ZSWIM8: variants seen among roughly 807,000 people sequenced by gnomAD.
ZSWIM8 encodes zinc finger SWIM domain-containing protein 8.
ZSWIM8 carries 27 observed loss-of-function variants against 173.7 expected under a neutral mutation model. The ratio of observed to expected loss-of-function variants is 0.16; its 90% CI spans 0.11 to 0.21. ZSWIM8 has a LOEUF of 0.21. Ranked by LOEUF, ZSWIM8 falls within the 10% of genes least tolerant of loss-of-function variation. ZSWIM8 has a pLI of 1.00. For synonymous variants in ZSWIM8, 958 were observed against 962.0 expected (o/e 1.00, Z 0.08); for missense variants, 1,627 against 2,428.8 (o/e 0.67, Z 6.94).
In ZSWIM8 at chr10:73,796,945, G is replaced by C. The variant is rs760829916; in HGVS notation, c.3205G>C (p.Ala1069Pro). The change falls in exon 16 of 26, where the codon GCT (alanine) becomes CCT (proline). Residue 1069 changes from alanine to proline, a missense_variant. Physicochemically the swap from Ala to Pro is conservative, Grantham distance 27. Around this residue, in one of 18 missense-constraint regions of ZSWIM8, gnomAD observed 163 missense variants for 193.2 expected, o/e 0.84. Coordinates refer to ENST00000604729, the MANE Select transcript of ZSWIM8 (RefSeq NM_001367799.1). ...ACTGACCTCAGGCTCTGCAGGGCCT[G>C]CTCAACCAGGGAGTGTGGCAGGGGC... Reference protein sequence around the residue: ...QPLTSGSAGPAQPGSVAGAGP... With the variant: ...QPLTSGSAGPPQPGSVAGAGP... The C allele has an allele frequency of 2.5e-6, 4 of 1,614,014 alleles. No homozygotes were observed. The South Asian group carries it at 4.4e-5, about 18-fold the overall frequency.
chr10:73,799,518 A>C lies in ZSWIM8; in HGVS notation c.4665+28A>C, dbSNP rs1374107648. The stretch of plus-strand genomic sequence containing the variant: ...GAGACCAGTGTTCTGCTGGGGGGTA[A>C]GGCATGGGAAAATACTGGGAATTCA... On this transcript the variant is annotated intron_variant, in intron 21 of 25. Coordinates refer to ENST00000604729, the MANE Select transcript of ZSWIM8 (RefSeq NM_001367799.1). 4 of 1,586,270 alleles carry C rather than the reference A, an allele frequency of 2.5e-6. No individual in the cohort carries two copies. In the East Asian group the frequency reaches 9.1e-5, roughly 36 times the overall value.
At chr10:73,790,871 A>T in intron 7 of ZSWIM8, 104 bp from the exon 8 acceptor site, 2 of 1,136,070 alleles carry the variant, frequency 1.8e-6, no homozygotes, top group Non-Finnish European at 1.2e-6. Context: ...TTTGTTACAG[A>T]TGTCTTTTTC....
At position 73,792,614 on chromosome 10, in the gene ZSWIM8, T is replaced by C. The variant is rs1306633940; in HGVS notation, c.2075T>C (p.Leu692Pro). ...GCCTCTGTTGGCCCCCCTGGCCTACTGCCTGGGGATGTCTGTACCCAGGAC... is the reference window on the plus strand; with the variant it reads ...GCCTCTGTTGGCCCCCCTGGCCTACCGCCTGGGGATGTCTGTACCCAGGAC... ...PTASVGPPGL[L>P]PGDVCTQDDL... Residue 692 changes from leucine (L) to proline (P), a missense_variant, in exon 10 of 26, where the codon CTG becomes CCG. Transcript: ENST00000604729. The surrounding 1 kb of genome is among the most constrained non-coding windows in gnomAD (Gnocchi z 4.3). 1 of 1,614,008 alleles carries C rather than the reference T, an allele frequency of 6.2e-7. No individual in the cohort carries two copies. The highest frequency in any genetic ancestry group is 1.7e-5 in the Admixed American group (1 of 60,026).
At position 73,800,786 on chromosome 10, in the gene ZSWIM8, T is replaced by TGGC; in HGVS notation, c.5122+28_5122+29insGCG. ...TAACACCTCCCCTCCCTAGGACCAT[T>TGGC]GCCCCCCCCCCACCTGCTCTCCCCA... On this transcript the variant is annotated intron_variant, in intron 24 of 25. Coordinates refer to ENST00000604729, the MANE Select transcript of ZSWIM8 (RefSeq NM_001367799.1). This position sits in a 1 kb window ranked among gnomAD's most constrained non-coding sequence, Gnocchi z 4.1. 6.6e-7 allele frequency: 1 copy of TGGC among 1,515,670 alleles called. No individual in the cohort carries two copies. Among genetic ancestry groups the TGGC allele is most frequent in the Non-Finnish European group, 9.0e-7 (1 of 1,111,836 alleles). 93.9% of individuals were successfully genotyped at this position (1,515,670 alleles called of 1,614,324 possible).
Position 73,795,962 on chromosome 10 carries a change from C to CAA in ZSWIM8, c.3033+320_3033+321dup, listed in dbSNP as rs34801762. On this transcript the variant is annotated intron_variant, in intron 15 of 25. Coordinates refer to ENST00000604729, the MANE Select transcript of ZSWIM8 (RefSeq NM_001367799.1). ...TGGGTGACAGAGCAAGACCCTGTTT[C>CAA]AAAAAAAAAAAAAAAAAAAAAAGGC... is the stretch of plus-strand genomic sequence containing the variant. Among the ~76,000 whole-genome samples, 34 of 58,778 alleles carry CAA rather than the reference C, an allele frequency of 5.8e-4. 1 individual carries two copies. Among genetic ancestry groups the CAA allele is most frequent in the East Asian group, 9.6e-4 (2 of 2,094 alleles). The allele number at this position is 58,778 out of a possible 152,430, so 38.6% of individuals were successfully genotyped here. A position where few individuals can be genotyped will look rare whatever the true frequency, so the allele number is the denominator to read the frequency against.
At position 73,797,447 on chromosome 10, in the gene ZSWIM8, A is replaced by C; in HGVS notation, c.3504A>C (p.Pro1168=). The change falls in exon 18 of 26, where the codon CCA becomes CCC. Residue 1168 remains proline, a synonymous_variant. Coordinates refer to ENST00000604729, the MANE Select transcript of ZSWIM8 (RefSeq NM_001367799.1). This position sits in a 1 kb window ranked among gnomAD's most constrained non-coding sequence, Gnocchi z 5.6. ...GTTCCCCCACCTTAAGCCGGAGACC[A>C]CTTCGAGGGGGCTGGGCCCCCACCT... is the stretch of plus-strand genomic sequence containing the variant. ...SDSSPTLSRR[P]LRGGWAPTSW... 6.2e-7 allele frequency: 1 copy of C among 1,613,830 alleles called. No homozygotes were observed.
Position 73,801,782 on chromosome 10 carries a change from T to G in ZSWIM8, c.*263T>G, listed in dbSNP as rs1490582940. On this transcript the variant is annotated 3_prime_UTR_variant, in exon 26 of 26. Transcript: ENST00000604729. The surrounding 1 kb of genome is among the most constrained non-coding windows in gnomAD (Gnocchi z 4.9). ...TGGCATTTATAAATATATAAACTCC[T>G]TTTTTACTCTAGTCGACCTGGGCCT... 2 of 1,431,784 alleles carry G rather than the reference T, an allele frequency of 1.4e-6. No individual in the cohort carries two copies. Among genetic ancestry groups the G allele is most frequent in the East Asian group, 3.0e-5 (1 of 33,682 alleles). 88.7% of individuals were successfully genotyped at this position (1,431,784 alleles called of 1,614,324 possible). A position where few individuals can be genotyped will look rare whatever the true frequency, so the allele number is the denominator to read the frequency against.
chr10:73,792,919 T>C lies in ZSWIM8; in HGVS notation c.2313+67T>C. 4 of 1,485,052 alleles carry C rather than the reference T, an allele frequency of 2.7e-6. No homozygotes were observed. The highest frequency in any genetic ancestry group is 2.7e-6 in the Non-Finnish European group (3 of 1,119,990). The allele number at this position is 1,485,052 out of a possible 1,614,324, so 92.0% of individuals were successfully genotyped here. On this transcript the variant is annotated intron_variant, in intron 10 of 25. Transcript: ENST00000604729. This position sits in a 1 kb window ranked among gnomAD's most constrained non-coding sequence, Gnocchi z 4.3. ...ACAACTGGGAGGGGCTATCTAGCTC[T>C]AGTTGGGAGTGTCAGGACCATCAGC...
chr10:73,788,654 A>G lies in ZSWIM8; in HGVS notation c.209-16A>G, dbSNP rs907287455. On this transcript the variant is annotated splice_polypyrimidine_tract_variant and intron_variant, in intron 1 of 25. Transcript: ENST00000604729. ...TCCTATTCTCTTTCCCCTGATCCCA[A>G]CCATTGTTTGCAAAGATGGACTGGT... 11 of 1,613,606 alleles carry G rather than the reference A, an allele frequency of 6.8e-6. No homozygotes were observed. The highest frequency in any genetic ancestry group is 9.3e-6 in the Non-Finnish European group (11 of 1,179,662).
Position 73,795,540 on chromosome 10 carries a change from C to T in ZSWIM8, c.2910C>T (p.Gly970=), listed in dbSNP as rs751788815. The change falls in exon 15 of 26, where the codon GGC becomes GGT. Residue 970 remains glycine, a splice_region_variant and synonymous_variant. Transcript: ENST00000604729. ...CCCATAAGGTCCTCTTTCTCGCAGGCATGAAGACAACAGTGAGCGAGGCAG... is the reference window on the plus strand; with the variant it reads ...CCCATAAGGTCCTCTTTCTCGCAGGTATGAAGACAACAGTGAGCGAGGCAG... ...LGFEAAVAAL[G]MKTTVSEAEH... 34 of 1,613,784 alleles carry T rather than the reference C, an allele frequency of 2.1e-5. No individual in the cohort carries two copies. The highest frequency in any genetic ancestry group is 2.8e-5 in the Non-Finnish European group (33 of 1,179,852).
intron 7 of ZSWIM8, 68 bp downstream of exon 7, chr10:73,790,360 C>T: frequency 1.3e-6 from 2 of 1,531,714 alleles, no homozygotes; most frequent in Non-Finnish European, 1.8e-6. Flanking sequence ...GATGACAGAT[C>T]CTTTCTTCTA....
chr10:73,800,797 C>CG lies in ZSWIM8; in HGVS notation c.5122+38_5122+39insG. ...CTCCCTAGGACCATTGCCCCCCCCCCACCTGCTCTCCCCACCTTCCTTATC... is the reference window on the plus strand; with the variant it reads ...CTCCCTAGGACCATTGCCCCCCCCCCGACCTGCTCTCCCCACCTTCCTTATC... On this transcript the variant is annotated intron_variant, in intron 24 of 25. Transcript: ENST00000604729. The surrounding 1 kb of genome is among the most constrained non-coding windows in gnomAD (Gnocchi z 4.1). The CG allele has an allele frequency of 6.9e-7, 1 of 1,457,022 alleles. No individual in the cohort carries two copies. Among genetic ancestry groups the CG allele is most frequent in the Non-Finnish European group, 9.4e-7 (1 of 1,067,042 alleles). The allele number at this position is 1,457,022 out of a possible 1,614,324, so 90.3% of individuals were successfully genotyped here.
intron 1 of ZSWIM8, among the ~76,000 whole-genome samples, chr10:73,787,764 G>A (rs1332905123): frequency 6.6e-6 from 1 of 152,092 alleles, no homozygotes; most frequent in Non-Finnish European, 1.5e-5. Context: ...GAGGTGGGAG[G>A]TAAGTTTGAA....
Position 73,800,237 on chromosome 10 carries a change from G to C in ZSWIM8, c.4826-59G>C, listed in dbSNP as rs1049625034. ...ACACTGGGCAGGGGAGGTGGGGAGG[G>C]AATGTTCTTTGTCTCTCTTTGGGCT... On this transcript the variant is annotated intron_variant, in intron 22 of 25. Coordinates refer to ENST00000604729, the MANE Select transcript of ZSWIM8 (RefSeq NM_001367799.1). This position sits in a 1 kb window ranked among gnomAD's most constrained non-coding sequence, Gnocchi z 4.1. The C allele has an allele frequency of 3.7e-6, 6 of 1,611,164 alleles. No individual in the cohort carries two copies. In the African/African-American group the frequency reaches 8.0e-5, roughly 22 times the overall value.
chr10:73,798,402 T>C lies in ZSWIM8; in HGVS notation c.4125T>C (p.His1375=), dbSNP rs779008327. 6 of 1,613,992 alleles carry C rather than the reference T, an allele frequency of 3.7e-6. No homozygotes were observed. In the East Asian group the frequency reaches 1.1e-4, roughly 30 times the overall value. The change falls in exon 20 of 26, where the codon CAT becomes CAC. Residue 1375 remains histidine, a synonymous_variant. Transcript: ENST00000604729. ...ELALSCLPHA[H]ALNPNEIQRA... is the part of the protein sequence containing the mutation. Reference sequence around the variant, plus strand: ...CCCTGAGCTGCCTGCCTCACGCCCATGCATTGAACCCTAATGAGATCCAGC... The same window carrying C: ...CCCTGAGCTGCCTGCCTCACGCCCACGCATTGAACCCTAATGAGATCCAGC...
chr10:73,800,015 T>C lies in ZSWIM8; in HGVS notation c.4670T>C (p.Val1557Ala). The change falls in exon 22 of 26, where the codon GTG (valine) becomes GCG (alanine). Residue 1557 changes from valine (V) to alanine (A), a missense_variant. Physicochemically the swap from Val to Ala is moderately conservative, Grantham distance 64 (BLOSUM62 0). This residue lies in a region of ZSWIM8 where 275 missense variants were observed against 290.1 expected (regional missense o/e 0.95). Transcript: ENST00000604729. The surrounding 1 kb of genome is among the most constrained non-coding windows in gnomAD (Gnocchi z 4.1). ...PVPSSAYPQG[V>A]HPAFLGAQYP... The stretch of plus-strand genomic sequence containing the variant: ...CTTTCTTCTCCCTGCCCCTAGGGTG[T>C]GCATCCTGCATTCCTAGGGGCTCAG... The C allele has an allele frequency of 1.2e-6, 2 of 1,613,258 alleles. No individual in the cohort carries two copies. The highest frequency in any genetic ancestry group is 1.7e-6 in the Non-Finnish European group (2 of 1,179,598).
In ZSWIM8 at chr10:73,789,050, A is replaced by G. The variant is rs761758899; in HGVS notation, c.363-46A>G. On this transcript the variant is annotated intron_variant, in intron 2 of 25. Transcript: ENST00000604729. The surrounding 1 kb of genome is among the most constrained non-coding windows in gnomAD (Gnocchi z 6.8). ...TTGTGGTCTCTGACAGGGTCTGCCAAAGGTTATTTGCTGAGTTGTGGCTGT... is the reference window on the plus strand; with the variant it reads ...TTGTGGTCTCTGACAGGGTCTGCCAGAGGTTATTTGCTGAGTTGTGGCTGT... 1.5e-5 allele frequency: 24 copies of G among 1,590,484 alleles called. No homozygotes were observed. The highest frequency in any genetic ancestry group is 1.9e-5 in the Non-Finnish European group (22 of 1,164,108).
chr10:73,789,571 C>A lies in ZSWIM8; in HGVS notation c.630+32C>A, dbSNP rs747700664. The A allele has an allele frequency of 1.2e-6, 2 of 1,604,494 alleles. No homozygotes were observed. Among genetic ancestry groups the A allele is most frequent in the Non-Finnish European group, 1.7e-6 (2 of 1,176,212 alleles). On this transcript the variant is annotated intron_variant, in intron 4 of 25. Transcript: ENST00000604729. This position sits in a 1 kb window ranked among gnomAD's most constrained non-coding sequence, Gnocchi z 6.8. ...CCCTCCCAATTTATCCCGGCCCTAT[C>A]CTACACTCCATCCCCCCCTTCTCTG...
Position 73,790,186 on chromosome 10 carries a change from C to A in ZSWIM8, c.835C>A (p.Pro279Thr). ...GTCATCCTCAGACCCCACAGCAGGG[C>A]CCTCAGCATCGGACCAGAGTACTTG... ...VCGAPDPTAG[P>T]SASDQSTWYL... Residue 279 changes from proline (P) to threonine (T), a missense_variant, in exon 7 of 26, where the codon CCC (proline) becomes ACC (threonine). Around this residue, in one of 18 missense-constraint regions of ZSWIM8, gnomAD observed 39 missense variants for 154.0 expected, o/e 0.25. Coordinates refer to ENST00000604729, the MANE Select transcript of ZSWIM8 (RefSeq NM_001367799.1). 6.2e-7 allele frequency: 1 copy of A among 1,612,582 alleles called. No homozygotes were observed. The highest frequency in any genetic ancestry group is 8.5e-7 in the Non-Finnish European group (1 of 1,179,122).
Sources: gnomAD v4.1 joint callset for allele counts (sites outside exome capture counted in the v4.1 genomes callset) on GRCh38, gnomAD v4.1.1 for gene constraint, gnomAD v4.1.1 regional missense constraint, Gnocchi (gnomAD v3.1) non-coding constraint, MANE v1.5 for transcripts, NCBI Gene and HGNC (gene_info 2026-07-23, HGNC 2026-07-21) for gene names.